Variants in LAMA1 observed in about 807,000 individuals in gnomAD.
The protein encoded by LAMA1 is laminin subunit alpha-1.
In LAMA1, 219 loss-of-function variants were observed where a neutral mutation model predicts 348.7. The observed-to-expected ratio is 0.63, with a 90% CI of 0.56 to 0.70. The LOEUF (loss-of-function observed/expected upper bound fraction) is 0.70. Among genes scored for constraint, LAMA1 ranks in the 30% least tolerant of loss-of-function variants. The probability of loss-of-function intolerance (pLI) is 0.00; values close to 1 mark genes in which losing one functional copy is unlikely to be tolerated. For synonymous variants in LAMA1, 1,487 were observed against 1,491.0 expected (o/e 1.00, Z 0.06); for missense variants, 3,744 against 3,888.0 (o/e 0.96, Z 0.99).
intron 29 of LAMA1, among the ~76,000 whole-genome samples, chr18:7,003,872 AT>A (rs2057819937): frequency 1.3e-5 from 2 of 152,212 alleles, no homozygotes; most frequent in African/African-American, 4.8e-5. Flanking sequence ...TTCTATTCCT[AT>A]TTTTTTCCCT....
At chr18:7,062,396 T>G (rs34354810) in intron 3 of LAMA1, among the ~76,000 whole-genome samples, 49,677 of 151,520 alleles carry the variant, frequency 0.33, 9,163 homozygotes, top group South Asian at 0.49. Flanking sequence ...GAGGAAGGAG[T>G]GCAGAGATGG....
chr18:7,005,137 G>A (rs964051485), intron 29 of LAMA1, among the ~76,000 whole-genome samples: 3 of 152,202 alleles, frequency 2.0e-5, no homozygotes, highest in African/African-American at 7.2e-5. Flanking sequence ...CTCCAGGCAT[G>A]TGAGGGTACG....
intron 42 of LAMA1, among the ~76,000 whole-genome samples, chr18:6,979,717 G>A (rs1410617294): frequency 6.6e-6 from 1 of 152,130 alleles, no homozygotes; most frequent in Non-Finnish European, 1.5e-5. Context: ...GGCTAACACG[G>A]TGAAACCCCA....
chr18:6,958,769 C>G, intron 54 of LAMA1, 107 bp from the exon 55 acceptor site: 1 of 949,688 alleles, frequency 1.1e-6, no homozygotes. Flanking sequence ...ATAAAAGTTC[C>G]CTAAAGGTTC....
At chr18:7,057,484 T>C (rs1460751512) in intron 3 of LAMA1, among the ~76,000 whole-genome samples, 2 of 144,554 alleles carry the variant, frequency 1.4e-5, no homozygotes, top group Non-Finnish European at 1.5e-5. Context: ...TTTTTTTTTT[T>C]TTTTTTTTGA....
rs189409626 is a variant in LAMA1 at position 7,001,756 on chromosome 18, G to A, written c.4382+508C>T. Among the ~76,000 whole-genome samples, 598 of 152,134 alleles carry A rather than the reference G, an allele frequency of 3.9e-3. 1 individual carries two copies. The highest frequency in any genetic ancestry group is 0.014 in the African/African-American group (569 of 41,496). On this transcript the variant is annotated intron_variant, in intron 30 of 62. Coordinates refer to ENST00000389658, the MANE Select transcript of LAMA1 (RefSeq NM_005559.4). Reference sequence around the variant, plus strand: ...ATTCTAATTCCCACTTAAAATTTCTGGTTCCCTTTTGCATTCAGGTAATTC... The same window carrying A: ...ATTCTAATTCCCACTTAAAATTTCTAGTTCCCTTTTGCATTCAGGTAATTC...
At chr18:7,010,701 A>AT (rs749717410) in intron 25 of LAMA1, among the ~76,000 whole-genome samples, 33 of 152,340 alleles carry the variant, frequency 2.2e-4, no homozygotes, top group South Asian at 6.2e-4. Context: ...CACTGGGTGC[A>AT]TATTTGCAAA....
intron 1 of LAMA1, among the ~76,000 whole-genome samples, chr18:7,107,148 T>TG (rs1192167650): frequency 1.3e-5 from 2 of 148,476 alleles, no homozygotes; most frequent in Non-Finnish European, 3.0e-5. Flanking sequence ...AGACGGAGTC[T>TG]CACTCTGTCA....
intron 3 of LAMA1, 147 bp downstream of exon 3, chr18:7,079,828 T>A: frequency 1.5e-6 from 1 of 689,328 alleles, no homozygotes; most frequent in Non-Finnish European, 2.6e-6. Context: ...AGGGACTCCT[T>A]CTGTATACCA....
intron 36 of LAMA1, among the ~76,000 whole-genome samples, chr18:6,990,737 G>A (rs1040566151): frequency 3.3e-5 from 5 of 152,016 alleles, no homozygotes; most frequent in Non-Finnish European, 5.9e-5. Context: ...AAAGGCCCTC[G>A]ATGTCTCCGA....
Position 7,010,416 on chromosome 18 carries a change from C to G in LAMA1, c.3688-31G>C, listed in dbSNP as rs747027572. 20 of 1,598,776 alleles carry G rather than the reference C, an allele frequency of 1.3e-5. 1 individual carries two copies. The South Asian group carries it at 2.0e-4, about 16-fold the overall frequency. Reference sequence around the variant, plus strand: ...AAATAATAAAGTGTTGTTTACTTCTCTGACAAAGCTTTCATTCAAAAACAT... The same window carrying G: ...AAATAATAAAGTGTTGTTTACTTCTGTGACAAAGCTTTCATTCAAAAACAT... On this transcript the variant is annotated intron_variant, in intron 25 of 62. Transcript: ENST00000389658.
chr18:7,023,049 C>G (rs1484121185), intron 19 of LAMA1, 115 bp downstream of exon 19: 1 of 1,080,234 alleles, frequency 9.3e-7, no homozygotes, highest in African/African-American at 1.6e-5. Context: ...ATGCAAGTAA[C>G]CCCTCAAGAG....
At chr18:6,948,241 G>A (rs2057530856) in intron 60 of LAMA1, among the ~76,000 whole-genome samples, 162 bp downstream of exon 60, 1 of 152,184 alleles carries the variant, frequency 6.6e-6, no homozygotes, top group Non-Finnish European at 1.5e-5. Flanking sequence ...GACCTGAGAA[G>A]GCTTTTTACG....
chr18:6,999,344 T>A, intron 32 of LAMA1, 101 bp downstream of exon 32: 1 of 1,110,774 alleles, frequency 9.0e-7, no homozygotes, highest in Non-Finnish European at 1.3e-6. Flanking sequence ...TAAAATAGGA[T>A]GTTTTTATTC....
chr18:7,016,024 C>A (rs1380474215), intron 21 of LAMA1, among the ~76,000 whole-genome samples, 166 bp from the exon 22 acceptor site: 1 of 152,138 alleles, frequency 6.6e-6, no homozygotes, highest in Non-Finnish European at 1.5e-5. Context: ...AGGTAGCCGG[C>A]CCTCCATCTC....
chr18:6,958,453 C>T, intron 55 of LAMA1, 24 bp downstream of exon 55: 2 of 1,612,738 alleles, frequency 1.2e-6, no homozygotes, highest in Non-Finnish European at 1.7e-6. Flanking sequence ...AGTGCAAGAA[C>T]ATGCAGAGAG....
intron 16 of LAMA1, among the ~76,000 whole-genome samples, chr18:7,031,418 ATGAAAGAAGTACCTGTT>A (rs1039539345): frequency 3.3e-5 from 5 of 152,200 alleles, no homozygotes; most frequent in Admixed American, 2.6e-4. Context: ...CTCATATTGC[ATGAAAGAAGTACCTGTT>A]TGATTAATTT....
In LAMA1 at chr18:6,941,976, C is replaced by A. The variant is rs765183921; in HGVS notation, c.*103G>T. On this transcript the variant is annotated 3_prime_UTR_variant, in exon 63 of 63. Transcript: ENST00000389658. ...AACATCTCTCCCCAGAAACACTTAACCTGAGTTGGAAATGAAATATGAACT... is the reference window on the plus strand; with the variant it reads ...AACATCTCTCCCCAGAAACACTTAAACTGAGTTGGAAATGAAATATGAACT... 6.5e-5 allele frequency: 95 copies of A among 1,456,180 alleles called. No individual in the cohort carries two copies. Among genetic ancestry groups the A allele is most frequent in the Non-Finnish European group, 8.8e-5 (92 of 1,045,790 alleles). The allele number at this position is 1,456,180 out of a possible 1,614,324, so 90.2% of individuals were successfully genotyped here. A position where few individuals can be genotyped will look rare whatever the true frequency, so the allele number is the denominator to read the frequency against.
At position 7,080,322 on chromosome 18, in the gene LAMA1, C is replaced by T. The variant is rs1448472524; in HGVS notation, c.197G>A (p.Cys66Tyr). 2 of 1,614,260 alleles carry T rather than the reference C, an allele frequency of 1.2e-6. No individual in the cohort carries two copies. The highest frequency in any genetic ancestry group is 8.5e-7 in the Non-Finnish European group (1 of 1,180,044). The change falls in exon 2 of 63, where the codon TGC (cysteine) becomes TAC (tyrosine). Residue 66 changes from cysteine (C) to tyrosine (Y), a missense_variant. By Grantham distance (194) the Cys-to-Tyr change is radical. Coordinates refer to ENST00000389658, the MANE Select transcript of LAMA1 (RefSeq NM_005559.4). The stretch of plus-strand genomic sequence containing the variant: ...TGCGCTGTTGCCATCACAGATCCGG[C>T]ACTGTGGGTTTCGGACGGGCCGACC... ...VPGRPVRNPQCRICDGNSANP... is the reference protein window; with the variant it reads ...VPGRPVRNPQYRICDGNSANP...
Sources: gnomAD v4.1 joint callset for allele counts (sites outside exome capture counted in the v4.1 genomes callset) on GRCh38, gnomAD v4.1.1 for gene constraint, MANE v1.5 for transcripts, NCBI Gene and HGNC (gene_info 2026-07-23, HGNC 2026-07-21) for gene names.